The following MED12L variants were observed in gnomAD, a reference collection of about 807,000 sequenced individuals.
MED12L encodes mediator of RNA polymerase II transcription subunit 12-like protein.
MED12L carries 60 observed loss-of-function variants against 281.3 expected under a neutral mutation model. That is an observed-to-expected ratio of 0.21 (90% CI 0.17 to 0.26). MED12L has a LOEUF of 0.26. MED12L is among the 10% of genes least tolerant of loss of function. The pLI is 1.00. For synonymous variants in MED12L, 974 were observed against 987.2 expected, an observed-to-expected ratio of 0.99 and a Z score of 0.25; for missense variants, 2,146 against 2,680.9, an observed-to-expected ratio of 0.80 and a Z score of 4.41.
chr3:151,328,668 C>A (rs1560034274), intron 16 of MED12L: 1 of 1,613,650 alleles, frequency 6.2e-7, no homozygotes, highest in Non-Finnish European at 8.5e-7. Flanking sequence ...AGCACGATGC[C>A]CACATACATG....
chr3:151,208,471 C>T lies in MED12L; in HGVS notation c.2250+14805C>T, dbSNP rs375834763. Among the ~76,000 whole-genome samples the T allele has an allele frequency of 1.5e-3, 232 of 152,262 alleles. 2 individuals are homozygous for T. The highest frequency in any genetic ancestry group is 5.4e-3 in the African/African-American group (225 of 41,558). On this transcript the variant is annotated intron_variant, in intron 16 of 44. Transcript: ENST00000687756. ...CCGAGGTGGATGGATCACCGGAGGT[C>T]GGGAGTTCGAGACCAGCCTGGCAAA...
intron 2 of MED12L, among the ~76,000 whole-genome samples, chr3:151,112,985 A>G (rs1351800668): frequency 2.0e-5 from 3 of 152,216 alleles, no homozygotes; most frequent in African/African-American, 7.2e-5. Context: ...TTTGTCAACA[A>G]AATAAAGATC....
chr3:151,275,724 TAA>T (rs1219052035), intron 16 of MED12L, among the ~76,000 whole-genome samples: 1 of 152,192 alleles, frequency 6.6e-6, no homozygotes, highest in African/African-American at 2.4e-5. Flanking sequence ...GAAAATTTAG[TAA>T]AGAGGGTTTT....
At chr3:151,256,018 C>G (rs186238345) in intron 16 of MED12L, among the ~76,000 whole-genome samples, 98 of 152,288 alleles carry the variant, frequency 6.4e-4, no homozygotes, top group Middle Eastern at 3.4e-3. Flanking sequence ...CTATGACAGG[C>G]TAATTGTTCC....
At chr3:151,419,807 A>C (rs551711114) in intron 43 of MED12L, among the ~76,000 whole-genome samples, 1 of 152,370 alleles carries the variant, frequency 6.6e-6, no homozygotes, top group East Asian at 1.9e-4. Context: ...ACAATGCTTA[A>C]ATCCTGATAT....
chr3:151,247,962 CTTTTTTTTTTTTT>C (rs61102632), intron 16 of MED12L, among the ~76,000 whole-genome samples: 3 of 75,902 alleles, frequency 4.0e-5, no homozygotes, highest in African/African-American at 5.3e-5. Flanking sequence ...TCTTCTTCTT[CTTTTTTTTTTTTT>C]TTTTTTTTTT....
intron 39 of MED12L, 26 bp downstream of exon 39, chr3:151,394,893 T>G: frequency 6.2e-7 from 1 of 1,612,198 alleles, no homozygotes; most frequent in Non-Finnish European, 8.5e-7. Flanking sequence ...AGCAATGGAG[T>G]CCTTTGCATT....
At chr3:151,224,013 A>C (rs1431930741) in intron 16 of MED12L, among the ~76,000 whole-genome samples, 2 of 152,188 alleles carry the variant, frequency 1.3e-5, no homozygotes, top group Non-Finnish European at 2.9e-5. Flanking sequence ...TTCTGAATCA[A>C]ATATGCCTAA....
At chr3:151,166,831 A>G (rs1312363561) in intron 11 of MED12L, among the ~76,000 whole-genome samples, 1 of 151,922 alleles carries the variant, frequency 6.6e-6, no homozygotes, top group African/African-American at 2.4e-5. Flanking sequence ...ACCCACCACT[A>G]TGCTCAGCTA....
intron 11 of MED12L, among the ~76,000 whole-genome samples, chr3:151,177,104 C>G (rs79422533): frequency 0.036 from 5,555 of 152,274 alleles, 153 homozygotes; most frequent in Non-Finnish European, 0.054. Flanking sequence ...TTTGGTAATT[C>G]ACTCCTGTGG....
intron 18 of MED12L, 81 bp from the exon 19 acceptor site, chr3:151,355,815 T>G (rs1753845720): frequency 7.6e-7 from 1 of 1,324,410 alleles, no homozygotes; most frequent in Non-Finnish European, 1.0e-6. Flanking sequence ...TTCAACTGTC[T>G]TAAAAAGTAA....
intron 39 of MED12L, among the ~76,000 whole-genome samples, chr3:151,398,347 G>C (rs1046287341): frequency 6.6e-6 from 1 of 152,168 alleles, no homozygotes; most frequent in Non-Finnish European, 1.5e-5. Context: ...CTGTCTAGTG[G>C]GGGAAGTTGG....
chr3:151,309,464 TG>T (rs1165029997), intron 16 of MED12L, among the ~76,000 whole-genome samples: 5 of 152,190 alleles, frequency 3.3e-5, no homozygotes, highest in Non-Finnish European at 5.9e-5. Context: ...CTGCAGGTGA[TG>T]AGGACCTCCT....
rs182082796 is a variant in MED12L at position 151,118,974 on chromosome 3, A to C, written c.204+2532A>C. ...AGTGCTGGGATTACAGATGTGAGCC[A>C]CTGTGCCCGGCCTCAGAGCCTTACC... On this transcript the variant is annotated intron_variant, in intron 3 of 44. Coordinates refer to ENST00000687756, the MANE Select transcript of MED12L (RefSeq NM_001393769.1). 4.4e-3 allele frequency among the ~76,000 whole-genome samples: 669 copies of C among 152,302 alleles called. 2 individuals are homozygous for C. The highest frequency in any genetic ancestry group is 7.5e-3 in the Non-Finnish European group (512 of 68,022).
At chr3:151,243,411 G>A (rs1227437820) in intron 16 of MED12L, among the ~76,000 whole-genome samples, 2 of 36,100 alleles carry the variant, frequency 5.5e-5, no homozygotes, top group African/African-American at 2.7e-4. Context: ...GACTAACAGC[G>A]GATCTCTCGG....
In MED12L at chr3:151,170,277, C is replaced by CT. The variant is rs113849929; in HGVS notation, c.1494+4311dup. Among the ~76,000 whole-genome samples the CT allele has an allele frequency of 5.9e-3, 809 of 137,726 alleles. 5 individuals carry two copies. Among genetic ancestry groups the CT allele is most frequent in the East Asian group, 0.013 (62 of 4,778 alleles). 90.4% of individuals were successfully genotyped at this position (137,726 alleles called of 152,430 possible). ...ATGCACTATTTCTTTTTTTCTTTTT[C>CT]TTTTTTTTTTTTTTTTGAGATGGAG... is the stretch of plus-strand genomic sequence containing the variant. On this transcript the variant is annotated intron_variant, in intron 11 of 44. Transcript: ENST00000687756.
At chr3:151,347,323 C>T (rs1752663376) in intron 16 of MED12L, among the ~76,000 whole-genome samples, 1 of 152,044 alleles carries the variant, frequency 6.6e-6, no homozygotes, top group Non-Finnish European at 1.5e-5. Context: ...GTATGTTCAA[C>T]AAATATTAGA....
At chr3:151,107,092 CT>C (rs5853505) in intron 2 of MED12L, among the ~76,000 whole-genome samples, 76,540 of 138,598 alleles carry the variant, frequency 0.55, 22,709 homozygotes, top group African/African-American at 0.81. Flanking sequence ...GTGTCCCCAG[CT>C]TTTTTTTTTT....
chr3:151,227,693 G>A (rs569464292), intron 16 of MED12L, among the ~76,000 whole-genome samples: 29 of 152,260 alleles, frequency 1.9e-4, no homozygotes, highest in Admixed American at 5.2e-4. Flanking sequence ...GCAAACTGGG[G>A]GCCAGGAAAA....
Sources: gnomAD v4.1 joint callset for allele counts (sites outside exome capture counted in the v4.1 genomes callset) on GRCh38, gnomAD v4.1.1 for gene constraint, MANE v1.5 for transcripts, NCBI Gene and HGNC (gene_info 2026-07-23, HGNC 2026-07-21) for gene names.